The following DDX17 variants were observed in gnomAD, a reference collection of about 807,000 sequenced individuals.
DDX17 encodes the protein probable ATP-dependent RNA helicase DDX17.
DDX17 carries 10 observed loss-of-function variants against 80.8 expected under a neutral mutation model. That is an observed-to-expected ratio of 0.12 (90% CI 0.08 to 0.21). The LOEUF (loss-of-function observed/expected upper bound fraction) is 0.21, where lower values mean the gene tolerates loss of function less well. Among genes scored for constraint, DDX17 ranks in the 10% least tolerant of loss-of-function variants. The pLI is 1.00. For missense variants in DDX17, 586 were observed against 957.4 expected (o/e 0.61, Z 5.12); for synonymous variants, 339 against 336.2 (o/e 1.01, Z -0.09).
At chr22:38,498,604 T>A (rs749348573) in intron 3 of DDX17, 31 bp from the exon 4 acceptor site, 1 of 1,611,818 alleles carries the variant, frequency 6.2e-7, no homozygotes, top group South Asian at 1.1e-5. Flanking sequence ...GCGTATTTTA[T>A]TGTGTTTAAA....
chr22:38,487,756 A>T, intron 12 of DDX17, 123 bp downstream of exon 12: 2 of 926,806 alleles, frequency 2.2e-6, no homozygotes, highest in Non-Finnish European at 3.5e-6. Flanking sequence ...AGCATTAGGC[A>T]GTGTCCTTTG....
chr22:38,486,602 ATTCT>A (rs1384912797), intron 12 of DDX17, among the ~76,000 whole-genome samples, 162 bp from the exon 13 acceptor site: 2 of 152,162 alleles, frequency 1.3e-5, no homozygotes, highest in Non-Finnish European at 2.9e-5. Context: ...TCATAATTTG[ATTCT>A]TTAATGGGGC....
rs773167226 is a variant in DDX17, at chr22:38,488,293, G to C, written c.1448-178C>G. On this transcript the variant is annotated intron_variant, in intron 11 of 12. Coordinates refer to ENST00000403230, the MANE Select transcript of DDX17 (RefSeq NM_006386.5). ...AGACTCATCCCAACAGAGTAAAAGA[G>C]GATTACTGATTCCTGGGACATGCAT... 3.3e-6 allele frequency: 5 copies of C among 1,498,474 alleles called. No homozygotes were observed. In the African/African-American group the frequency reaches 5.6e-5, roughly 17 times the overall value. The allele number at this position is 1,498,474 out of a possible 1,614,324, so 92.8% of individuals were successfully genotyped here. A position where few individuals can be genotyped will look rare whatever the true frequency, so the allele number is the denominator to read the frequency against.
intron 11 of DDX17, chr22:38,490,300 C>CTA: frequency 7.8e-7 from 1 of 1,283,804 alleles, no homozygotes; most frequent in Non-Finnish European, 1.0e-6. Context: ...CTGAAAGGCC[C>CTA]TATGACATGG....
intron 11 of DDX17, chr22:38,490,448 C>A: frequency 7.8e-7 from 1 of 1,288,674 alleles, no homozygotes; most frequent in Non-Finnish European, 1.0e-6. Flanking sequence ...TGTTAAAAAA[C>A]AAAACAAAAT....
At chr22:38,501,503 A>T (rs752998078) in intron 1 of DDX17, among the ~76,000 whole-genome samples, 88 of 152,342 alleles carry the variant, frequency 5.8e-4, no homozygotes, top group Middle Eastern at 3.4e-3. Context: ...TAGGCAAAAA[A>T]TTAAAAATCC....
At chr22:38,505,795 G>A (rs961906452) in intron 1 of DDX17, 156 bp downstream of exon 1, 4 of 966,570 alleles carry the variant, frequency 4.1e-6, no homozygotes, top group Non-Finnish European at 6.0e-6. Context: ...CCCCGGGGCC[G>A]AGGTCCGCGC....
At position 38,486,075 on chromosome 22, in the gene DDX17, G is replaced by A. The variant is rs2089655829; in HGVS notation, c.2050C>T (p.Arg684Trp). ...AGTGGCTGTGGCTGCTGCCCAGACC[G>A]GCCTATCCCACTAAACTGCTGGCTA... is the stretch of plus-strand genomic sequence containing the variant. The change falls in exon 13 of 13, where the codon CGG becomes TGG. Residue 684 changes from arginine (R) to tryptophan (W), a missense_variant. This residue lies in a region of DDX17 where 221 missense variants were observed against 261.4 expected (regional missense o/e 0.85). Transcript: ENST00000403230. The A allele has an allele frequency of 5.6e-6, 9 of 1,613,906 alleles. No homozygotes were observed. Among genetic ancestry groups the A allele is most frequent in the Non-Finnish European group, 7.6e-6 (9 of 1,180,018 alleles).
chr22:38,488,257 GA>G (rs1569137366), intron 11 of DDX17, 142 bp from the exon 12 acceptor site: 1 of 1,549,020 alleles, frequency 6.5e-7, no homozygotes, highest in Non-Finnish European at 8.7e-7. Flanking sequence ...ACTCTGAACA[GA>G]AACAAAAAAA....
In DDX17 at chr22:38,485,874, G is replaced by C; in HGVS notation, c.*61C>G. Reference sequence around the variant, plus strand: ...GAAAAGGCGAAGAGGAAAAAAAAAGGAAAGACAGTGTTCCTTAAAATGTAA... The same window carrying C: ...GAAAAGGCGAAGAGGAAAAAAAAAGCAAAGACAGTGTTCCTTAAAATGTAA... On this transcript the variant is annotated 3_prime_UTR_variant, in exon 13 of 13. Coordinates refer to ENST00000403230, the MANE Select transcript of DDX17 (RefSeq NM_006386.5). 6.6e-7 allele frequency: 1 copy of C among 1,510,992 alleles called. No homozygotes were observed. Among genetic ancestry groups the C allele is most frequent in the South Asian group, 1.3e-5 (1 of 76,254 alleles). 93.6% of individuals were successfully genotyped at this position (1,510,992 alleles called of 1,614,324 possible).
chr22:38,487,002 T>C (rs1003731448), intron 12 of DDX17, among the ~76,000 whole-genome samples: 3 of 151,702 alleles, frequency 2.0e-5, no homozygotes, highest in African/African-American at 7.3e-5. Flanking sequence ...ACCCTGTCTC[T>C]ACAAAAAATA....
chr22:38,501,106 A>C, intron 2 of DDX17, 24 bp downstream of exon 2: 3 of 1,610,646 alleles, frequency 1.9e-6, no homozygotes, highest in Non-Finnish European at 2.5e-6. Flanking sequence ...TAATCTGTAC[A>C]TTAAAACACA....
Position 38,486,007 on chromosome 22 carries a change from C to T in DDX17, c.2118G>A (p.Met706Ile). Reference sequence around the variant, plus strand: ...AGGCAGTCTGCCCCATGTAACCTATCATATTGGTAGCTCCCGGAGGCTGTG... The same window carrying T: ...AGGCAGTCTGCCCCATGTAACCTATTATATTGGTAGCTCCCGGAGGCTGTG... The change falls in exon 13 of 13, where the codon ATG becomes ATA. Residue 706 changes from methionine (M) to isoleucine (I), a missense_variant. Physicochemically the swap from Met to Ile is conservative, Grantham distance 10 (BLOSUM62 1). Around this residue, in one of 4 missense-constraint regions of DDX17, gnomAD observed 221 missense variants for 261.4 expected, o/e 0.85. Transcript: ENST00000403230. 6.2e-7 allele frequency: 1 copy of T among 1,613,930 alleles called. No homozygotes were observed. Among genetic ancestry groups the T allele is most frequent in the South Asian group, 1.1e-5 (1 of 91,070 alleles).
intron 2 of DDX17, among the ~76,000 whole-genome samples, chr22:38,500,152 G>A (rs748186661): frequency 3.5e-5 from 5 of 143,372 alleles, no homozygotes; most frequent in Non-Finnish European, 7.6e-5. Context: ...CTCTAGCCTA[G>A]GGGACAGAGT....
Position 38,492,312 on chromosome 22 carries a change from C to T in DDX17, c.1388-197G>A, listed in dbSNP as rs555389924. On this transcript the variant is annotated intron_variant, in intron 10 of 12. Transcript: ENST00000403230. ...GTTACCTCTACTAATAATGAAATACCGTTAAGAGAGTGTGGCAATTTGTTA... is the reference window on the plus strand; with the variant it reads ...GTTACCTCTACTAATAATGAAATACTGTTAAGAGAGTGTGGCAATTTGTTA... 2.0e-5 allele frequency among the ~76,000 whole-genome samples: 3 copies of T among 152,156 alleles called. No individual in the cohort carries two copies. The South Asian group carries it at 6.2e-4, about 32-fold the overall frequency.
At chr22:38,500,487 C>G (rs183041301) in intron 2 of DDX17, among the ~76,000 whole-genome samples, 2 of 151,542 alleles carry the variant, frequency 1.3e-5, no homozygotes, top group African/African-American at 4.9e-5. Flanking sequence ...GCACTCCAGC[C>G]TGGGTGACAG....
chr22:38,484,868 A>G lies in DDX17; in HGVS notation c.*1067T>C, dbSNP rs1178472368. The G allele has an allele frequency of 2.0e-5, 3 of 152,226 alleles. No individual in the cohort carries two copies. Among genetic ancestry groups the G allele is most frequent in the Non-Finnish European group, 2.9e-5 (2 of 68,038 alleles). The allele number at this position is 152,226 out of a possible 1,614,324, so 9.4% of individuals were successfully genotyped here. On this transcript the variant is annotated 3_prime_UTR_variant, in exon 13 of 13. Coordinates refer to ENST00000403230, the MANE Select transcript of DDX17 (RefSeq NM_006386.5). ...CAGAGAACAGGGTATGAAGAAAATA[A>G]AGAGTTCTTAATAAACCCTTAAGAT...
At chr22:38,492,888 G>A (rs1237087156) in intron 10 of DDX17, among the ~76,000 whole-genome samples, 1 of 152,140 alleles carries the variant, frequency 6.6e-6, no homozygotes, top group Non-Finnish European at 1.5e-5. Flanking sequence ...GCTAAAATAT[G>A]ACTCATTAAG....
At chr22:38,488,428 A>G (rs2089683132) in intron 11 of DDX17, 2 of 1,224,170 alleles carry the variant, frequency 1.6e-6, no homozygotes, top group Non-Finnish European at 2.1e-6. Context: ...TTACACCAAT[A>G]TTGGTCTTCA....
Sources: gnomAD v4.1 joint callset for allele counts (sites outside exome capture counted in the v4.1 genomes callset) on GRCh38, gnomAD v4.1.1 for gene constraint, gnomAD v4.1.1 regional missense constraint, MANE v1.5 for transcripts, NCBI Gene and HGNC (gene_info 2026-07-23, HGNC 2026-07-21) for gene names.